Variants in EML5 observed in about 807,000 individuals in gnomAD.
The protein encoded by EML5 is echinoderm microtubule-associated protein-like 5.
Under a neutral mutation model 250.0 loss-of-function variants are expected in EML5, and 120 were observed. The observed-to-expected ratio is 0.48, with a 90% CI of 0.41 to 0.56. EML5 has a LOEUF of 0.56. Among genes scored for constraint, EML5 ranks in the 20% least tolerant of loss-of-function variants. The pLI is 0.00. For synonymous variants in EML5, 771 were observed against 806.5 expected (o/e 0.96, Z 0.75); for missense variants, 2,006 against 2,437.6 (o/e 0.82, Z 3.73).
At chr14:88,744,810 C>G (rs1188731560) in intron 3 of EML5, among the ~76,000 whole-genome samples, 1 of 152,006 alleles carries the variant, frequency 6.6e-6, no homozygotes, top group African/African-American at 2.4e-5. Flanking sequence ...TATCAACCTA[C>G]CTCTAAAAGG....
intron 4 of EML5, 123 bp downstream of exon 4, chr14:88,743,900 A>C (rs1053803706): frequency 4.0e-6 from 2 of 499,742 alleles, no homozygotes; most frequent in African/African-American, 4.0e-5. Context: ...CAATAAAAAC[A>C]TTGCCATTTT....
At chr14:88,769,113 A>C (rs1655301868) in intron 1 of EML5, among the ~76,000 whole-genome samples, 1 of 152,214 alleles carries the variant, frequency 6.6e-6, no homozygotes, top group Non-Finnish European at 1.5e-5. Context: ...TGAGCTATTA[A>C]AATTTTGTAG....
At chr14:88,694,980 C>G (rs1230774696) in intron 16 of EML5, among the ~76,000 whole-genome samples, 1 of 151,878 alleles carries the variant, frequency 6.6e-6, no homozygotes, top group Non-Finnish European at 1.5e-5. Flanking sequence ...AAAATAAAAA[C>G]CTATAACTTC....
At chr14:88,762,640 T>C (rs2094261290) in intron 1 of EML5, among the ~76,000 whole-genome samples, 1 of 152,156 alleles carries the variant, frequency 6.6e-6, no homozygotes, top group African/African-American at 2.4e-5. Context: ...GGACTTGAAC[T>C]CAGCTCTGGA....
chr14:88,705,099 T>C, intron 12 of EML5, 121 bp from the exon 13 acceptor site: 1 of 656,116 alleles, frequency 1.5e-6, no homozygotes. Context: ...TAGTCTTAAA[T>C]GAAAAGTTAA....
At chr14:88,652,104 T>C (rs2140828544) in intron 27 of EML5, among the ~76,000 whole-genome samples, 1 of 152,322 alleles carries the variant, frequency 6.6e-6, no homozygotes, top group East Asian at 1.9e-4. Context: ...AGCAAGTTAC[T>C]TGAAACATGG....
At chr14:88,730,363 T>G (rs1382315803) in intron 7 of EML5, among the ~76,000 whole-genome samples, 1 of 152,136 alleles carries the variant, frequency 6.6e-6, no homozygotes, top group Admixed American at 6.5e-5. Flanking sequence ...TACAATGAGG[T>G]TGCAAGAGAA....
At chr14:88,787,296 T>C (rs1319949203) in intron 1 of EML5, among the ~76,000 whole-genome samples, 67 of 152,248 alleles carry the variant, frequency 4.4e-4, no homozygotes, top group Admixed American at 4.4e-3. Context: ...GAGCATCTGA[T>C]TGTGTCTAAA....
At chr14:88,679,565 G>A (rs773682003) in intron 21 of EML5, among the ~76,000 whole-genome samples, 27 of 152,162 alleles carry the variant, frequency 1.8e-4, no homozygotes, top group Non-Finnish European at 3.1e-4. Flanking sequence ...GGTGGCGCAC[G>A]CCTGTAGTCC....
intron 21 of EML5, among the ~76,000 whole-genome samples, chr14:88,671,667 T>A (rs2092466321): frequency 6.6e-6 from 1 of 152,142 alleles, no homozygotes; most frequent in Non-Finnish European, 1.5e-5. Flanking sequence ...ATCTCATGTG[T>A]AAAGACACAT....
rs182994171 is a variant in EML5 at position 88,685,488 on chromosome 14, T to C, written c.2855-346A>G. Among the ~76,000 whole-genome samples, 173 of 152,178 alleles carry C rather than the reference T, an allele frequency of 1.1e-3. 1 individual carries two copies. The highest frequency in any genetic ancestry group is 3.3e-3 in the South Asian group (16 of 4,826). ...AGTAATTTTAATTCAATTCAAGATA[T>C]ATAGTCAGCCCTCAGTATCCTTGGG... On this transcript the variant is annotated intron_variant, in intron 19 of 43. Transcript: ENST00000554922.
At chr14:88,660,644 G>A (rs2092058077) in intron 25 of EML5, among the ~76,000 whole-genome samples, 1 of 152,030 alleles carries the variant, frequency 6.6e-6, no homozygotes, top group Admixed American at 6.6e-5. Flanking sequence ...TCAGGGGGCT[G>A]AGGCAGGAGA....
intron 1 of EML5, among the ~76,000 whole-genome samples, chr14:88,763,151 C>T (rs1256889427): frequency 6.6e-6 from 1 of 151,974 alleles, no homozygotes; most frequent in Non-Finnish European, 1.5e-5. Context: ...CAAGAAATAA[C>T]TAAGATCACA....
intron 1 of EML5, among the ~76,000 whole-genome samples, chr14:88,779,311 T>C (rs774189679): frequency 6.6e-6 from 1 of 152,174 alleles, no homozygotes; most frequent in Non-Finnish European, 1.5e-5. Context: ...GAAGTTTAAA[T>C]ATAGCACAGA....
At chr14:88,616,114 C>A (rs767577367) in intron 43 of EML5, 28 bp downstream of exon 43, 21 of 1,607,168 alleles carry the variant, frequency 1.3e-5, no homozygotes, top group Admixed American at 5.0e-5. Context: ...ACATAGTCTG[C>A]TCTTCATGGG....
chr14:88,618,074 G>C (rs1291547500), intron 41 of EML5, 154 bp downstream of exon 41: 1 of 452,002 alleles, frequency 2.2e-6, no homozygotes, highest in Non-Finnish European at 3.8e-6. Flanking sequence ...AATAAAAAGG[G>C]GTCCCAACAT....
chr14:88,759,496 C>A (rs1225606248), intron 1 of EML5, among the ~76,000 whole-genome samples: 2 of 151,712 alleles, frequency 1.3e-5, no homozygotes, highest in Non-Finnish European at 2.9e-5. Flanking sequence ...CCAGCCTGGG[C>A]AACACAGCAA....
intron 27 of EML5, among the ~76,000 whole-genome samples, chr14:88,656,858 T>C (rs1255187483): frequency 1.3e-5 from 2 of 152,208 alleles, no homozygotes; most frequent in African/African-American, 4.8e-5. Flanking sequence ...TCAATTTTTA[T>C]TATCTCCTCC....
intron 1 of EML5, among the ~76,000 whole-genome samples, chr14:88,786,464 T>C (rs767115270): frequency 1.3e-5 from 2 of 152,212 alleles, no homozygotes; most frequent in Non-Finnish European, 2.9e-5. Flanking sequence ...CAGTAAATAT[T>C]TGCTGAAAGA....
Sources: gnomAD v4.1 joint callset for allele counts (sites outside exome capture counted in the v4.1 genomes callset) on GRCh38, gnomAD v4.1.1 for gene constraint, MANE v1.5 for transcripts, NCBI Gene and HGNC (gene_info 2026-07-23, HGNC 2026-07-21) for gene names.